Variants in JAM2 observed in about 807,000 individuals in gnomAD.
JAM2 encodes the protein junctional adhesion molecule B.
In JAM2, 17 loss-of-function variants were observed where a neutral mutation model predicts 42.0. The ratio of observed to expected loss-of-function variants is 0.40; its 90% CI spans 0.28 to 0.61. The LOEUF (loss-of-function observed/expected upper bound fraction) is 0.61, where lower values mean the gene tolerates loss of function less well. Ranked by LOEUF, JAM2 falls within the 20% of genes least tolerant of loss-of-function variation. The probability of loss-of-function intolerance (pLI) is 0.37; values close to 1 mark genes in which losing one functional copy is unlikely to be tolerated. For missense variants in JAM2, 319 were observed against 358.3 expected (o/e 0.89, Z 0.89); for synonymous variants, 118 against 128.6 (o/e 0.92, Z 0.56).
At chr21:25,713,078 C>T (rs1287873372) in intron 9 of JAM2, among the ~76,000 whole-genome samples, 3 of 152,136 alleles carry the variant, frequency 2.0e-5, no homozygotes, top group African/African-American at 4.8e-5. Flanking sequence ...CTCTTTGGTA[C>T]GGGCACTAGC....
At position 25,639,827 on chromosome 21, in the gene JAM2, G is replaced by A. The variant is rs1406957613; in HGVS notation, c.6G>A (p.Ala2=). M[A]RRSRHRLLLL... The stretch of plus-strand genomic sequence containing the variant: ...CCGGCTGCCGCCCCGGGAAGATGGC[G>A]AGGAGGAGCCGCCACCGCCTCCTCC... The change falls in exon 1 of 10, where the codon GCG becomes GCA. Residue 2 remains alanine, a synonymous_variant. Transcript: ENST00000480456. The A allele has an allele frequency of 1.3e-6, 2 of 1,584,296 alleles. No individual in the cohort carries two copies. The highest frequency in any genetic ancestry group is 1.7e-6 in the Non-Finnish European group (2 of 1,168,166).
At position 25,714,705 on chromosome 21, in the gene JAM2, G is replaced by A. The variant is rs751210900; in HGVS notation, c.*33G>A. 2.6e-5 allele frequency: 36 copies of A among 1,389,440 alleles called. No individual in the cohort carries two copies. The highest frequency in any genetic ancestry group is 1.8e-4 in the Middle Eastern group (1 of 5,456). 86.1% of individuals were successfully genotyped at this position (1,389,440 alleles called of 1,614,324 possible). On this transcript the variant is annotated 3_prime_UTR_variant, in exon 10 of 10. Transcript: ENST00000480456. ...ACTTTAGAGATACACCAAAGCCACCGTTGTTACACAAGTTATTAAACTATT... is the reference window on the plus strand; with the variant it reads ...ACTTTAGAGATACACCAAAGCCACCATTGTTACACAAGTTATTAAACTATT...
chr21:25,693,316 G>C (rs544939569), intron 3 of JAM2, among the ~76,000 whole-genome samples: 6 of 150,974 alleles, frequency 4.0e-5, no homozygotes, highest in African/African-American at 1.2e-4. Context: ...GGAGTGCAGT[G>C]ACACAATCTC....
At chr21:25,711,558 C>A (rs1306372636) in intron 8 of JAM2, 1 of 370,832 alleles carries the variant, frequency 2.7e-6, no homozygotes, top group Non-Finnish European at 5.2e-6. Context: ...CAATCCTGGT[C>A]TCTCAGTCTC....
chr21:25,666,665 G>A (rs1384788413), intron 1 of JAM2, among the ~76,000 whole-genome samples: 2 of 151,990 alleles, frequency 1.3e-5, no homozygotes, highest in Non-Finnish European at 2.9e-5. Flanking sequence ...TCCTCCTGAG[G>A]AGCTGGGACA....
intron 1 of JAM2, among the ~76,000 whole-genome samples, chr21:25,654,430 C>A (rs947763141): frequency 1.3e-5 from 2 of 152,028 alleles, no homozygotes; most frequent in African/African-American, 4.8e-5. Context: ...GGGTGGATTA[C>A]TTGAGGTCAG....
At chr21:25,702,801 T>C (rs2034194473) in intron 6 of JAM2, among the ~76,000 whole-genome samples, 1 of 152,310 alleles carries the variant, frequency 6.6e-6, no homozygotes, top group African/African-American at 2.4e-5. Context: ...TTGTTTTCTT[T>C]GTTTCCTTTA....
chr21:25,706,366 C>G (rs1377637248), intron 7 of JAM2, among the ~76,000 whole-genome samples: 1 of 151,982 alleles, frequency 6.6e-6, no homozygotes, highest in Non-Finnish European at 1.5e-5. Context: ...ATTTTTAGTA[C>G]AGATGGGGTT....
intron 1 of JAM2, chr21:25,644,269 C>T (rs2032537052): frequency 6.6e-6 from 1 of 152,142 alleles, no homozygotes; most frequent in Non-Finnish European, 1.5e-5. Flanking sequence ...AACACATGAC[C>T]AAAAACAAAA....
At chr21:25,682,790 A>G (rs1257224504) in intron 1 of JAM2, among the ~76,000 whole-genome samples, 1 of 151,966 alleles carries the variant, frequency 6.6e-6, no homozygotes, top group East Asian at 1.9e-4. Flanking sequence ...AGCAGGATGG[A>G]TGGGGAGCTG....
chr21:25,688,575 C>T (rs1474876190), intron 2 of JAM2, among the ~76,000 whole-genome samples: 1 of 152,224 alleles, frequency 6.6e-6, no homozygotes, highest in Non-Finnish European at 1.5e-5. Flanking sequence ...GTAAACATGT[C>T]TGTAAAATGA....
chr21:25,707,292 G>A (rs1340538621), intron 7 of JAM2, among the ~76,000 whole-genome samples: 2 of 151,760 alleles, frequency 1.3e-5, no homozygotes, highest in South Asian at 2.1e-4. Context: ...GACCAGCCTG[G>A]CCAACATGGT....
chr21:25,648,777 TG>T (rs2032686086), intron 1 of JAM2, among the ~76,000 whole-genome samples: 1 of 152,242 alleles, frequency 6.6e-6, no homozygotes, highest in South Asian at 2.1e-4. Flanking sequence ...GTGAGCTTGC[TG>T]GAGGCAGAGA....
At chr21:25,708,354 A>C (rs2034313251) in intron 7 of JAM2, among the ~76,000 whole-genome samples, 1 of 152,156 alleles carries the variant, frequency 6.6e-6, no homozygotes, top group African/African-American at 2.4e-5. Flanking sequence ...GGATCACTTG[A>C]GTCCAGGACT....
At chr21:25,679,651 C>G (rs1050986970) in intron 1 of JAM2, among the ~76,000 whole-genome samples, 8 of 152,288 alleles carry the variant, frequency 5.3e-5, no homozygotes, top group African/African-American at 1.9e-4. Flanking sequence ...CCTAGACCTC[C>G]CCTCTGGGGT....
In JAM2 at chr21:25,705,857, C is replaced by T. The variant is rs574120285; in HGVS notation, c.698-122C>T. 69 of 653,272 alleles carry T rather than the reference C, an allele frequency of 1.1e-4. 1 individual carries two copies. In the South Asian group the frequency reaches 1.1e-3, roughly 10 times the overall value. 40.5% of individuals were successfully genotyped at this position (653,272 alleles called of 1,614,324 possible). ...GAGTTAGTTGAACAGGCTTCACAAT[C>T]GTTAAAGTATGCTTTATGATATAGC... On this transcript the variant is annotated intron_variant, in intron 6 of 9. Transcript: ENST00000480456.
At chr21:25,657,273 C>G (rs1221584066) in intron 1 of JAM2, among the ~76,000 whole-genome samples, 1 of 152,160 alleles carries the variant, frequency 6.6e-6, no homozygotes, top group Admixed American at 6.5e-5. Flanking sequence ...CTCCAACTCC[C>G]AAAGTGCTGG....
At chr21:25,641,048 A>T (rs2032424790) in intron 1 of JAM2, among the ~76,000 whole-genome samples, 1 of 152,214 alleles carries the variant, frequency 6.6e-6, no homozygotes, top group Admixed American at 6.5e-5. Flanking sequence ...GTCTCAGGCA[A>T]GGGACATGTA....
intron 1 of JAM2, among the ~76,000 whole-genome samples, chr21:25,668,419 T>C (rs2033275152): frequency 6.6e-6 from 1 of 152,132 alleles, no homozygotes; most frequent in South Asian, 2.1e-4. Context: ...CAGACCACAG[T>C]AGTAGCTATG....
Sources: allele counts gnomAD v4.1 joint callset (sites outside exome capture counted in the v4.1 genomes callset), GRCh38; gene constraint gnomAD v4.1.1; transcripts MANE v1.5; gene names NCBI Gene and HGNC (gene_info 2026-07-23, HGNC 2026-07-21).